Variants in TXK observed in about 807,000 individuals in gnomAD.
TXK encodes tyrosine-protein kinase TXK.
In TXK, 60 loss-of-function variants were observed where a neutral mutation model predicts 81.0. The observed-to-expected ratio is 0.74, with a 90% CI of 0.60 to 0.92. TXK has a LOEUF of 0.92. Ranked by LOEUF, TXK falls within the 40% of genes least tolerant of loss-of-function variation. TXK has a pLI of 0.00. For synonymous variants in TXK, 203 were observed against 210.7 expected, an observed-to-expected ratio of 0.96 and a Z score of 0.32; for missense variants, 581 against 638.3, an observed-to-expected ratio of 0.91 and a Z score of 0.97.
chr4:48,113,529 TATAAA>T (rs1225053953), intron 2 of TXK, among the ~76,000 whole-genome samples: 6 of 152,244 alleles, frequency 3.9e-5, no homozygotes, highest in Non-Finnish European at 8.8e-5. Context: ...ATAGAGTTGT[TATAAA>T]ATAAAATTGA....
At chr4:48,092,332 T>C (rs770439355) in intron 8 of TXK, among the ~76,000 whole-genome samples, 3 of 152,136 alleles carry the variant, frequency 2.0e-5, no homozygotes, top group Non-Finnish European at 2.9e-5. Context: ...TTAGGAACTA[T>C]TGAGTTAGAG....
At chr4:48,123,510 C>A (rs1719010035) in intron 1 of TXK, among the ~76,000 whole-genome samples, 2 of 152,272 alleles carry the variant, frequency 1.3e-5, no homozygotes, top group Admixed American at 1.3e-4. Context: ...TCAGTCTGTT[C>A]ACAGGGCTTG....
intron 12 of TXK, 122 bp from the exon 13 acceptor site, chr4:48,074,175 A>C (rs895806641): frequency 3.5e-5 from 25 of 708,406 alleles, no homozygotes; most frequent in Non-Finnish European, 1.5e-5. Flanking sequence ...AAGGTTGTGG[A>C]TGCCTTCTTG....
intron 8 of TXK, among the ~76,000 whole-genome samples, chr4:48,090,816 G>C (rs1053641968): frequency 2.0e-5 from 3 of 152,246 alleles, no homozygotes; most frequent in South Asian, 2.1e-4. Context: ...AATTACTTTA[G>C]AGTGGGTGCT....
At chr4:48,073,832 C>G (rs935111448) in intron 13 of TXK, 103 bp downstream of exon 13, 1 of 812,762 alleles carries the variant, frequency 1.2e-6, no homozygotes, top group African/African-American at 1.7e-5. Flanking sequence ...TACAAGAAGA[C>G]TTTTTAAAAA....
intron 9 of TXK, among the ~76,000 whole-genome samples, chr4:48,088,755 T>C (rs1248644624): frequency 2.0e-5 from 3 of 152,230 alleles, no homozygotes; most frequent in Non-Finnish European, 4.4e-5. Context: ...TTATATATAC[T>C]ATCTGTGGGC....
At chr4:48,123,872 T>C (rs1471874336) in intron 1 of TXK, among the ~76,000 whole-genome samples, 1 of 152,192 alleles carries the variant, frequency 6.6e-6, no homozygotes, top group African/African-American at 2.4e-5. Flanking sequence ...CCCTGACTAC[T>C]TTAGCTTTCA....
chr4:48,122,577 T>C (rs1199797080), intron 1 of TXK, among the ~76,000 whole-genome samples: 3 of 152,254 alleles, frequency 2.0e-5, no homozygotes, highest in Non-Finnish European at 4.4e-5. Context: ...TACCTTTTTT[T>C]CTTTGCTGTT....
At chr4:48,103,685 T>C (rs1577670096) in intron 6 of TXK, among the ~76,000 whole-genome samples, 1 of 152,360 alleles carries the variant, frequency 6.6e-6, no homozygotes, top group Admixed American at 6.5e-5. Flanking sequence ...AGTTGGAAAT[T>C]TAAACTATAG....
intron 10 of TXK, among the ~76,000 whole-genome samples, chr4:48,086,208 T>C (rs1262537427): frequency 6.6e-6 from 1 of 152,236 alleles, no homozygotes; most frequent in Admixed American, 6.5e-5. Flanking sequence ...ATCACTTACA[T>C]AAATTCTCTT....
At chr4:48,106,847 C>G (rs769284113) in intron 5 of TXK, among the ~76,000 whole-genome samples, 3 of 152,032 alleles carry the variant, frequency 2.0e-5, no homozygotes, top group Non-Finnish European at 2.9e-5. Flanking sequence ...ATATTTGCCT[C>G]TGATTTAAAA....
chr4:48,133,678 AAC>A (rs1195003595), intron 1 of TXK, among the ~76,000 whole-genome samples: 1 of 152,214 alleles, frequency 6.6e-6, no homozygotes, highest in African/African-American at 2.4e-5. Flanking sequence ...TCAGAGTATA[AAC>A]ACAGTTGTGT....
rs566688287 is a variant in TXK at position 48,126,265 on chromosome 4, A to G, written c.16+7890T>C. Among the ~76,000 whole-genome samples, 4 of 152,332 alleles carry G rather than the reference A, an allele frequency of 2.6e-5. No homozygotes were observed. The East Asian group carries it at 7.7e-4, about 29-fold the overall frequency. Reference sequence around the variant, plus strand: ...AGGATGAAGGCATTTATCATGAGCCACTTTCACTCCATGAATAGTAAATCT... The same window carrying G: ...AGGATGAAGGCATTTATCATGAGCCGCTTTCACTCCATGAATAGTAAATCT... On this transcript the variant is annotated intron_variant, in intron 1 of 14. Coordinates refer to ENST00000264316, the MANE Select transcript of TXK (RefSeq NM_003328.3).
At chr4:48,090,419 CTTTG>C (rs543905325) in intron 8 of TXK, among the ~76,000 whole-genome samples, 2 of 152,082 alleles carry the variant, frequency 1.3e-5, no homozygotes, top group Non-Finnish European at 2.9e-5. Context: ...TTTGTATAAT[CTTTG>C]TTTATTTGAT....
At chr4:48,086,687 A>G in intron 9 of TXK, 50 bp from the exon 10 acceptor site, 1 of 1,538,776 alleles carries the variant, frequency 6.5e-7, no homozygotes, top group South Asian at 1.1e-5. Context: ...GACTGTTAAA[A>G]TATTAGGGCT....
At chr4:48,071,852 G>A (rs958719968) in intron 13 of TXK, among the ~76,000 whole-genome samples, 178 bp from the exon 14 acceptor site, 1 of 152,108 alleles carries the variant, frequency 6.6e-6, no homozygotes, top group Non-Finnish European at 1.5e-5. Flanking sequence ...TTTTCAAAGA[G>A]GCCTGTAACC....
intron 14 of TXK, 69 bp from the exon 15 acceptor site, chr4:48,067,774 C>G: frequency 6.8e-7 from 1 of 1,461,118 alleles, no homozygotes; most frequent in East Asian, 2.3e-5. Context: ...ATTTTTGGAA[C>G]GCTAAGCATG....
chr4:48,069,458 T>C (rs1436510382), intron 14 of TXK, among the ~76,000 whole-genome samples: 1 of 151,802 alleles, frequency 6.6e-6, no homozygotes, highest in Non-Finnish European at 1.5e-5. Flanking sequence ...CCTGAGTAGC[T>C]GGGATTACAG....
Position 48,128,397 on chromosome 4 carries a change from G to A in TXK, c.16+5758C>T, listed in dbSNP as rs561770899. Reference sequence around the variant, plus strand: ...TTTTGCAGTTGATGGGCTGTGGTGAGTGGGGAAAGCCTTAAAAACTTGTGG... The same window carrying A: ...TTTTGCAGTTGATGGGCTGTGGTGAATGGGGAAAGCCTTAAAAACTTGTGG... On this transcript the variant is annotated intron_variant, in intron 1 of 14. Coordinates refer to ENST00000264316, the MANE Select transcript of TXK (RefSeq NM_003328.3). Among the ~76,000 whole-genome samples, 7 of 152,210 alleles carry A rather than the reference G, an allele frequency of 4.6e-5. No individual in the cohort carries two copies. The South Asian group carries it at 1.5e-3, about 32-fold the overall frequency.
Sources: gnomAD v4.1 joint callset for allele counts (sites outside exome capture counted in the v4.1 genomes callset) on GRCh38, gnomAD v4.1.1 for gene constraint, MANE v1.5 for transcripts, NCBI Gene and HGNC (gene_info 2026-07-23, HGNC 2026-07-21) for gene names.